TNK2: variants seen among roughly 807,000 people sequenced by gnomAD.
The protein encoded by TNK2 is activated CDC42 kinase 1.
A neutral mutation model predicts 101.8 loss-of-function variants in TNK2; 83 were observed. The ratio of observed to expected loss-of-function variants is 0.82; its 90% CI spans 0.68 to 0.98. The LOEUF (loss-of-function observed/expected upper bound fraction) is 0.98. Ranked by LOEUF, TNK2 falls within the 50% of genes least tolerant of loss-of-function variation. TNK2 has a pLI of 0.00. For synonymous variants in TNK2, 804 were observed against 633.0 expected (o/e 1.27, Z -4.06); for missense variants, 1,665 against 1,483.2 (o/e 1.12, Z -2.01).
At position 195,863,474 on chromosome 3, in the gene TNK2, T is replaced by A. The variant is rs1246267961; in HGVS notation, c.*707A>T. On this transcript the variant is annotated 3_prime_UTR_variant, in exon 16 of 16. Transcript: ENST00000672887. ...GAAAACATGGAACCGCGTGGGGGAATTGGGTGGAAGAGGAAGCACTGATGT... is the reference window on the plus strand; with the variant it reads ...GAAAACATGGAACCGCGTGGGGGAAATGGGTGGAAGAGGAAGCACTGATGT... The A allele has an allele frequency of 6.5e-6, 1 of 152,694 alleles. No individual in the cohort carries two copies. The highest frequency in any genetic ancestry group is 6.5e-5 in the Admixed American group (1 of 15,288). The allele number at this position is 152,694 out of a possible 1,614,324, so 9.5% of individuals were successfully genotyped here. A position where few individuals can be genotyped will look rare whatever the true frequency, so the allele number is the denominator to read the frequency against.
intron 1 of TNK2, among the ~76,000 whole-genome samples, chr3:195,905,285 C>T (rs1386193944): frequency 1.3e-5 from 2 of 152,132 alleles, no homozygotes; most frequent in African/African-American, 4.8e-5. Context: ...CTGCAACCTC[C>T]GCCTCCCGGG....
At chr3:195,883,080 A>G in intron 5 of TNK2, 77 bp downstream of exon 5, 1 of 1,554,864 alleles carries the variant, frequency 6.4e-7, no homozygotes, top group Non-Finnish European at 8.7e-7. Flanking sequence ...TGACCTTAGG[A>G]TGGAGAGAGG....
chr3:195,896,732 A>C (rs1489272223), intron 1 of TNK2: 1 of 152,630 alleles, frequency 6.6e-6, no homozygotes, highest in Non-Finnish European at 1.5e-5. Flanking sequence ...CATCCACAGG[A>C]TCTAAACTAC....
intron 1 of TNK2, chr3:195,896,332 C>A (rs114532920): frequency 0.014 from 4,394 of 310,064 alleles, 93 homozygotes; most frequent in African/African-American, 0.068. Flanking sequence ...GATGCTGTGA[C>A]CTCTCCTCCC....
rs184402933 is a variant in TNK2 at position 195,864,308 on chromosome 3, C to T, written c.3162-121G>A. ...GGAAGCTGGCAGTCCCCGGCAAGGA[C>T]TGTAAAATTTATCATCCTGGATGTC... On this transcript the variant is annotated intron_variant, in intron 15 of 15. Coordinates refer to ENST00000672887, the MANE Select transcript of TNK2 (RefSeq NM_001382273.1). The T allele has an allele frequency of 8.3e-5, 92 of 1,107,624 alleles. 1 individual carries two copies. In the African/African-American group the frequency reaches 1.3e-3, roughly 16 times the overall value. 68.6% of individuals were successfully genotyped at this position (1,107,624 alleles called of 1,614,324 possible).
At chr3:195,897,544 T>C (rs1036000026) in intron 1 of TNK2, among the ~76,000 whole-genome samples, 21 of 152,314 alleles carry the variant, frequency 1.4e-4, no homozygotes, top group African/African-American at 4.8e-4. Flanking sequence ...CACTGTGCCC[T>C]AGACTGGAGT....
chr3:195,869,775 G>C (rs1219241468), intron 11 of TNK2: 1 of 599,412 alleles, frequency 1.7e-6, no homozygotes, highest in East Asian at 2.8e-5. Flanking sequence ...CCCAGGCAGA[G>C]CCGGAGCCGT....
intron 4 of TNK2, 110 bp from the exon 5 acceptor site, chr3:195,883,419 T>A: frequency 7.5e-7 from 1 of 1,332,900 alleles, no homozygotes; most frequent in Non-Finnish European, 1.0e-6. Context: ...TGTGAGCTCC[T>A]CATCTGGGTG....
intron 4 of TNK2, 119 bp downstream of exon 4, chr3:195,884,693 G>T (rs1040767715): frequency 2.3e-6 from 2 of 872,876 alleles, no homozygotes; most frequent in East Asian, 2.8e-5. Context: ...ACGGACTCTG[G>T]GATGAGCCAC....
Position 195,867,330 on chromosome 3 carries a change from C to T in TNK2, c.2937+31G>A, listed in dbSNP as rs568483479. Reference sequence around the variant, plus strand: ...GCTCCAGGCCCCTTGGGCCCTGCCCCGCTTCGCCCACAGCCAGGCTGGGTG... The same window carrying T: ...GCTCCAGGCCCCTTGGGCCCTGCCCTGCTTCGCCCACAGCCAGGCTGGGTG... On this transcript the variant is annotated intron_variant, in intron 13 of 15. Transcript: ENST00000672887. The T allele has an allele frequency of 5.2e-5, 84 of 1,608,682 alleles. No individual in the cohort carries two copies. The African/African-American group carries it at 6.8e-4, about 13-fold the overall frequency.
At chr3:195,901,985 T>A (rs1761254301) in intron 1 of TNK2, among the ~76,000 whole-genome samples, 1 of 152,104 alleles carries the variant, frequency 6.6e-6, no homozygotes, top group African/African-American at 2.4e-5. Context: ...GGACAGGGGT[T>A]CCAGGAAAAA....
chr3:195,905,926 T>C (rs1312339391), intron 1 of TNK2, among the ~76,000 whole-genome samples: 2 of 152,166 alleles, frequency 1.3e-5, no homozygotes, highest in Non-Finnish European at 2.9e-5. Context: ...GTAAATCACA[T>C]ACCTGATAAA....
intron 9 of TNK2, 115 bp from the exon 10 acceptor site, chr3:195,872,585 G>A: frequency 1.8e-6 from 2 of 1,140,344 alleles, no homozygotes; most frequent in Non-Finnish European, 2.4e-6. Context: ...CAGGCCTCAG[G>A]ACCAGGCTGT....
At chr3:195,893,573 CTCA>C (rs1344547137) in intron 1 of TNK2, among the ~76,000 whole-genome samples, 3 of 152,112 alleles carry the variant, frequency 2.0e-5, no homozygotes, top group Non-Finnish European at 4.4e-5. Flanking sequence ...CCGTGGGGCC[CTCA>C]TGTTTCTAGA....
intron 11 of TNK2, chr3:195,869,814 C>G: frequency 1.7e-6 from 1 of 581,176 alleles, no homozygotes; most frequent in Admixed American, 3.0e-5. Context: ...GACAGGAGAG[C>G]AGGATTAGGG....
chr3:195,880,205 A>G (rs1577054082), intron 6 of TNK2, among the ~76,000 whole-genome samples: 1 of 152,220 alleles, frequency 6.6e-6, no homozygotes, highest in East Asian at 1.9e-4. Flanking sequence ...GGCAGGGCCA[A>G]GTACCACCCC....
In TNK2 at chr3:195,867,397, C is replaced by A; in HGVS notation, c.2901G>T (p.Gly967=). The change falls in exon 13 of 16, where the codon GGG becomes GGT. Residue 967 remains glycine, a synonymous_variant. Transcript: ENST00000672887. ...RLPQRGCPGD[G]PEAGRPADKI... ...TGTCTGCTGGCCGGCCCGCCTCTGG[C>A]CCATCGCCAGGGCAGCCCCTCTGTG... 2 of 1,605,468 alleles carry A rather than the reference C, an allele frequency of 1.2e-6. No homozygotes were observed. The highest frequency in any genetic ancestry group is 1.1e-5 in the South Asian group (1 of 90,514).
intron 15 of TNK2, among the ~76,000 whole-genome samples, chr3:195,865,356 T>C (rs1300453642): frequency 1.4e-5 from 2 of 138,916 alleles, no homozygotes; most frequent in African/African-American, 2.8e-5. Flanking sequence ...CGGGTGCAAA[T>C]CAGTAAGAAC....
At chr3:195,880,101 C>T (rs867612304) in intron 6 of TNK2, among the ~76,000 whole-genome samples, 2 of 152,100 alleles carry the variant, frequency 1.3e-5, no homozygotes, top group Non-Finnish European at 2.9e-5. Flanking sequence ...CAACCCTTCC[C>T]GCCTCAAAGC....
Sources: allele counts gnomAD v4.1 joint callset (sites outside exome capture counted in the v4.1 genomes callset), GRCh38; gene constraint gnomAD v4.1.1; transcripts MANE v1.5; gene names NCBI Gene and HGNC (gene_info 2026-07-23, HGNC 2026-07-21).